Variants in IL16 observed in about 807,000 individuals in gnomAD.
IL16 encodes interleukin 16.
In IL16, 67 loss-of-function variants were observed where a neutral mutation model predicts 110.1. The observed-to-expected ratio is 0.61, with a 90% CI of 0.50 to 0.75. The LOEUF (loss-of-function observed/expected upper bound fraction) is 0.75, where lower values mean the gene tolerates loss of function less well. Ranked by LOEUF, IL16 falls within the 30% of genes least tolerant of loss-of-function variation. The probability of loss-of-function intolerance (pLI) is 0.00; values close to 1 mark genes in which losing one functional copy is unlikely to be tolerated. For missense variants in IL16, 1,545 were observed against 1,655.0 expected (o/e 0.93, Z 1.15); for synonymous variants, 689 against 662.9 (o/e 1.04, Z -0.61).
At chr15:81,230,153 C>T (rs189556197) in intron 2 of IL16, among the ~76,000 whole-genome samples, 4 of 152,288 alleles carry the variant, frequency 2.6e-5, no homozygotes, top group Admixed American at 2.6e-4. Flanking sequence ...TTCTAGACCC[C>T]TGGAGATGAA....
At chr15:81,269,879 C>A (rs955572865) in intron 5 of IL16, among the ~76,000 whole-genome samples, 3 of 152,206 alleles carry the variant, frequency 2.0e-5, no homozygotes, top group Admixed American at 1.3e-4. Context: ...CCAGTCCCTG[C>A]CAGCTGCCTT....
intron 2 of IL16, among the ~76,000 whole-genome samples, chr15:81,228,165 G>T (rs185599491): frequency 4.6e-5 from 7 of 152,236 alleles, no homozygotes; most frequent in Non-Finnish European, 1.5e-5. Flanking sequence ...AGGTGAGCAC[G>T]TCTATCACTC....
chr15:81,201,882 C>G (rs1307960385), intron 1 of IL16, among the ~76,000 whole-genome samples: 1 of 152,198 alleles, frequency 6.6e-6, no homozygotes, highest in African/African-American at 2.4e-5. Flanking sequence ...CACAAAAAGA[C>G]TTAACCTCAT....
At chr15:81,235,547 C>T (rs1470953338) in intron 2 of IL16, among the ~76,000 whole-genome samples, 1 of 152,146 alleles carries the variant, frequency 6.6e-6, no homozygotes, top group Non-Finnish European at 1.5e-5. Context: ...TGGGGATCAC[C>T]TTTCAGCATG....
intron 2 of IL16, among the ~76,000 whole-genome samples, chr15:81,228,597 G>C (rs183092682): frequency 6.6e-6 from 1 of 152,040 alleles, no homozygotes; most frequent in Non-Finnish European, 1.5e-5. Flanking sequence ...GTGCTTGGGG[G>C]AGTGAGCCAC....
chr15:81,239,494 C>A (rs1897278365), intron 2 of IL16, among the ~76,000 whole-genome samples: 1 of 152,168 alleles, frequency 6.6e-6, no homozygotes, highest in Admixed American at 6.6e-5. Context: ...ACAGAAAAAA[C>A]CTACAGGGCC....
intron 11 of IL16, chr15:81,292,227 C>T: frequency 2.5e-6 from 1 of 392,938 alleles, no homozygotes; most frequent in South Asian, 2.1e-5. Flanking sequence ...GTGGCAGCCC[C>T]TGGAGGGACC....
At chr15:81,204,762 GAAAAA>G (rs199872438) in intron 1 of IL16, among the ~76,000 whole-genome samples, 2 of 117,904 alleles carry the variant, frequency 1.7e-5, no homozygotes, top group Non-Finnish European at 3.1e-5. Flanking sequence ...AAAAAAAAAA[GAAAAA>G]AAAGAAAATT....
intron 1 of IL16, among the ~76,000 whole-genome samples, chr15:81,190,319 G>T (rs1259499413): frequency 6.6e-6 from 1 of 152,206 alleles, no homozygotes; most frequent in Non-Finnish European, 1.5e-5. Context: ...CTCCCTCCCA[G>T]TGTGGCGTTT....
At chr15:81,287,843 C>T (rs538176773) in intron 10 of IL16, among the ~76,000 whole-genome samples, 1 of 152,332 alleles carries the variant, frequency 6.6e-6, no homozygotes, top group Non-Finnish European at 1.5e-5. Context: ...CAGAGACAAG[C>T]AAACTTCTTA....
rs923560574 is a variant in IL16, at chr15:81,279,871, G to A, written c.1081+97G>A. The A allele has an allele frequency of 7.6e-6, 8 of 1,046,290 alleles. No individual in the cohort carries two copies. The African/African-American group carries it at 1.1e-4, about 15-fold the overall frequency. 64.8% of individuals were successfully genotyped at this position (1,046,290 alleles called of 1,614,324 possible). ...TTGGAATCAGTCCAGAGGTAGGGCA[G>A]GATGTTGTCTTTTAGCACATTTTAC... On this transcript the variant is annotated intron_variant, in intron 8 of 18. Coordinates refer to ENST00000683961, the MANE Select transcript of IL16 (RefSeq NM_172217.5).
At chr15:81,290,597 G>A (rs1899667307) in intron 11 of IL16, 57 bp downstream of exon 11, 1 of 1,211,688 alleles carries the variant, frequency 8.3e-7, no homozygotes, top group African/African-American at 1.5e-5. Flanking sequence ...GAAAGCTTAG[G>A]ATTTATCCAT....
chr15:81,284,022 A>AG (rs1177617514), intron 9 of IL16, among the ~76,000 whole-genome samples: 2,623 of 145,918 alleles, frequency 0.018, 87 homozygotes, highest in African/African-American at 0.065. Context: ...AAAAAAAAAA[A>AG]AGAGAGAGAG....
chr15:81,200,139 A>G (rs111540905), intron 1 of IL16, among the ~76,000 whole-genome samples: 2 of 152,170 alleles, frequency 1.3e-5, no homozygotes, highest in African/African-American at 4.8e-5. Context: ...TCTTAGCAAA[A>G]TCATATTTTA....
intron 13 of IL16, 147 bp from the exon 14 acceptor site, chr15:81,299,233 C>A (rs1009256800): frequency 1.5e-6 from 2 of 1,325,302 alleles, no homozygotes; most frequent in Non-Finnish European, 2.1e-6. Context: ...GTAATAGCAC[C>A]TGGAGTTCAC....
chr15:81,307,853 C>A (rs1487064747), intron 18 of IL16, among the ~76,000 whole-genome samples: 1 of 152,146 alleles, frequency 6.6e-6, no homozygotes, highest in Non-Finnish European at 1.5e-5. Flanking sequence ...AAAGGAAACA[C>A]AAATAATACA....
At chr15:81,264,276 G>A (rs1898279257) in intron 3 of IL16, among the ~76,000 whole-genome samples, 1 of 152,146 alleles carries the variant, frequency 6.6e-6, no homozygotes, top group African/African-American at 2.4e-5. Flanking sequence ...TACTTGCGCT[G>A]AAGCAGCTGC....
At position 81,303,442 on chromosome 15, in the gene IL16, G is replaced by T; in HGVS notation, c.3319-107G>T. 1.4e-6 allele frequency: 1 copy of T among 739,544 alleles called. No homozygotes were observed. Among genetic ancestry groups the T allele is most frequent in the Non-Finnish European group, 2.4e-6 (1 of 422,404 alleles). The allele number at this position is 739,544 out of a possible 1,614,324, so 45.8% of individuals were successfully genotyped here. A position where few individuals can be genotyped will look rare whatever the true frequency, so the allele number is the denominator to read the frequency against. ...GAGGAGGTGATGTAACTTGGAGGCTGGCCAAGCTGGGGTTTGAGATAACAA... is the reference window on the plus strand; with the variant it reads ...GAGGAGGTGATGTAACTTGGAGGCTTGCCAAGCTGGGGTTTGAGATAACAA... On this transcript the variant is annotated intron_variant, in intron 15 of 18. Coordinates refer to ENST00000683961, the MANE Select transcript of IL16 (RefSeq NM_172217.5). This position sits in a 1 kb window ranked among gnomAD's most constrained non-coding sequence, Gnocchi z 4.1.
Position 81,291,816 on chromosome 15 carries a change from ACTT to A in IL16, c.1421-735_1421-733del, listed in dbSNP as rs1193429742. ...CACCCTCAACTGGAAAGAAATAGTG[ACTT>A]CTTCGTGTAAGATTCAAAGTGCCTT... is the stretch of plus-strand genomic sequence containing the variant. On this transcript the variant is annotated intron_variant, in intron 11 of 18. Transcript: ENST00000683961. The A allele has an allele frequency of 2.8e-5, 12 of 428,740 alleles. 1 individual carries two copies. The highest frequency in any genetic ancestry group is 5.2e-5 in the Non-Finnish European group (11 of 210,058). 26.6% of individuals were successfully genotyped at this position (428,740 alleles called of 1,614,324 possible). A position where few individuals can be genotyped will look rare whatever the true frequency, so the allele number is the denominator to read the frequency against.
Sources: gnomAD v4.1 joint callset for allele counts (sites outside exome capture counted in the v4.1 genomes callset) on GRCh38, gnomAD v4.1.1 for gene constraint, Gnocchi (gnomAD v3.1) non-coding constraint, MANE v1.5 for transcripts, NCBI Gene and HGNC (gene_info 2026-07-23, HGNC 2026-07-21) for gene names.